The following RORB variants were observed in gnomAD, a reference collection of about 807,000 sequenced individuals.
RORB encodes RAR related orphan receptor B.
RORB carries 6 observed loss-of-function variants against 59.1 expected under a neutral mutation model. The ratio of observed to expected loss-of-function variants is 0.10; its 90% CI spans 0.06 to 0.20. The LOEUF (loss-of-function observed/expected upper bound fraction) is 0.20, where lower values mean the gene tolerates loss of function less well. Ranked by LOEUF, RORB falls within the 10% of genes least tolerant of loss-of-function variation. The pLI is 1.00. For synonymous variants in RORB, 215 were observed against 204.5 expected (o/e 1.05, Z -0.44); for missense variants, 320 against 560.5 (o/e 0.57, Z 4.33).
chr9:74,568,176 C>A (rs1005179898), intron 1 of RORB, among the ~76,000 whole-genome samples: 1 of 152,052 alleles, frequency 6.6e-6, no homozygotes, highest in African/African-American at 2.4e-5. Context: ...AAATAAAATT[C>A]CGTACTGGAC....
intron 1 of RORB, among the ~76,000 whole-genome samples, chr9:74,610,140 A>G (rs1296627338): frequency 3.9e-5 from 6 of 152,226 alleles, no homozygotes; most frequent in Non-Finnish European, 7.3e-5. Context: ...TCTCATGACA[A>G]TATTGATTAT....
chr9:74,497,882 C>A lies in RORB; in HGVS notation c.-95C>A. 6.7e-7 allele frequency: 1 copy of A among 1,488,120 alleles called. No individual in the cohort carries two copies. Among genetic ancestry groups the A allele is most frequent in the Middle Eastern group, 1.7e-4 (1 of 5,850 alleles). The allele number at this position is 1,488,120 out of a possible 1,614,324, so 92.2% of individuals were successfully genotyped here. ...CGGCAGAGCAGCTCTTCGCCGACCA[C>A]CTTCTTCACTCGTGCTGAGCGGGAT... On this transcript the variant is annotated 5_prime_UTR_variant, in exon 1 of 10. Transcript: ENST00000376896.
intron 9 of RORB, among the ~76,000 whole-genome samples, chr9:74,674,651 A>G (rs913371578): frequency 2.0e-5 from 3 of 152,184 alleles, no homozygotes; most frequent in Non-Finnish European, 2.9e-5. Context: ...TTAACCTTAG[A>G]AGGTTTGAAA....
At position 74,642,485 on chromosome 9, in the gene RORB, C is replaced by G; in HGVS notation, c.307C>G (p.Arg103Gly). Residue 103 changes from arginine to glycine, a missense_variant, in exon 4 of 10, where the codon CGG becomes GGG. Transcript: ENST00000376896. ...TGCTGAGGTGCAGAAGCACCAGCAG[C>G]GGCTGCAGGAACAGCGGCAGCAGCA... ...LYAEVQKHQQ[R>G]LQEQRQQQSG... The G allele has an allele frequency of 6.2e-7, 1 of 1,614,150 alleles. No homozygotes were observed.
intron 1 of RORB, chr9:74,615,724 C>A: frequency 2.9e-6 from 1 of 345,252 alleles, no homozygotes; most frequent in Non-Finnish European, 5.9e-6. Context: ...TATAAGCTCT[C>A]AGCAAAATAA....
chr9:74,642,732 A>T lies in RORB; in HGVS notation c.554A>T (p.Asp185Val), dbSNP rs1823832484. The change falls in exon 4 of 10, where the codon GAC becomes GTC. Residue 185 changes from aspartate to valine, a missense_variant. Asp to Val is a radical substitution (Grantham distance 152, BLOSUM62 -3). Around this residue, in one of 4 missense-constraint regions of RORB, gnomAD observed 134 missense variants for 156.2 expected, o/e 0.86. Transcript: ENST00000376896. ...CAGATAAAGCAAGAACCTATCTATG[A>T]CCTCACATCCGTACCCAACTTGTTT... is the stretch of plus-strand genomic sequence containing the variant. ...IKQIKQEPIY[D>V]LTSVPNLFTY... 1.9e-6 allele frequency: 3 copies of T among 1,614,002 alleles called. No individual in the cohort carries two copies. In the Admixed American group the frequency reaches 5.0e-5, roughly 27 times the overall value.
chr9:74,675,746 C>T (rs1041449269), intron 9 of RORB, among the ~76,000 whole-genome samples: 2 of 152,180 alleles, frequency 1.3e-5, no homozygotes, highest in African/African-American at 4.8e-5. Flanking sequence ...GTCAGTCTTC[C>T]AGGAGGAGCT....
chr9:74,556,449 A>T (rs1241356647), intron 1 of RORB, among the ~76,000 whole-genome samples: 1 of 152,192 alleles, frequency 6.6e-6, no homozygotes, highest in Non-Finnish European at 1.5e-5. Context: ...ATTCACAAAG[A>T]GCTGGAGTTA....
At chr9:74,591,300 A>T (rs931132422) in intron 1 of RORB, among the ~76,000 whole-genome samples, 1 of 152,218 alleles carries the variant, frequency 6.6e-6, no homozygotes, top group Non-Finnish European at 1.5e-5. Context: ...AATTGGGACC[A>T]TGATATCCTA....
At chr9:74,556,257 T>G (rs957272777) in intron 1 of RORB, among the ~76,000 whole-genome samples, 1 of 152,306 alleles carries the variant, frequency 6.6e-6, no homozygotes, top group Non-Finnish European at 1.5e-5. Flanking sequence ...TATATTATAC[T>G]TATTACTGAG....
chr9:74,517,067 A>G (rs904497448), intron 1 of RORB, among the ~76,000 whole-genome samples: 11 of 151,924 alleles, frequency 7.2e-5, no homozygotes, highest in African/African-American at 2.7e-4. Context: ...AGATTCTTCC[A>G]AGAATCTAAA....
chr9:74,622,664 CT>C (rs1254672514), intron 1 of RORB, among the ~76,000 whole-genome samples: 1 of 151,306 alleles, frequency 6.6e-6, no homozygotes, highest in Non-Finnish European at 1.5e-5. Context: ...GTAGCTGGGA[CT>C]ACAGGTGCGC....
chr9:74,508,148 A>C (rs978077935), intron 1 of RORB, among the ~76,000 whole-genome samples: 1 of 151,950 alleles, frequency 6.6e-6, no homozygotes, highest in East Asian at 1.9e-4. Context: ...ATCCTTGCAT[A>C]TATACTTTCA....
chr9:74,575,489 A>G (rs552133800), intron 1 of RORB, among the ~76,000 whole-genome samples: 1 of 152,206 alleles, frequency 6.6e-6, no homozygotes, highest in African/African-American at 2.4e-5. Context: ...AGCGAGAATG[A>G]TTTGTATTCA....
At chr9:74,568,560 T>A (rs989126227) in intron 1 of RORB, among the ~76,000 whole-genome samples, 6 of 151,408 alleles carry the variant, frequency 4.0e-5, no homozygotes, top group African/African-American at 1.5e-4. Flanking sequence ...ATTAGCCAGG[T>A]GTGGTGGTGG....
chr9:74,657,974 C>A (rs992842336), intron 4 of RORB, among the ~76,000 whole-genome samples: 3 of 133,334 alleles, frequency 2.2e-5, no homozygotes, highest in South Asian at 2.4e-4. Context: ...CACTGCCATC[C>A]AGCCGGGGCA....
intron 1 of RORB, among the ~76,000 whole-genome samples, chr9:74,566,984 A>T (rs756728449): frequency 2.0e-5 from 3 of 151,816 alleles, no homozygotes; most frequent in Non-Finnish European, 4.4e-5. Flanking sequence ...GTTTTCCAAA[A>T]GCTGTTGCTT....
chr9:74,675,204 G>T (rs1824416764), intron 9 of RORB, among the ~76,000 whole-genome samples: 1 of 151,606 alleles, frequency 6.6e-6, no homozygotes. Flanking sequence ...AAAGCATAAG[G>T]TATATTCAGG....
At chr9:74,654,707 C>A (rs1824052800) in intron 4 of RORB, among the ~76,000 whole-genome samples, 1 of 152,106 alleles carries the variant, frequency 6.6e-6, no homozygotes, top group African/African-American at 2.4e-5. Flanking sequence ...CACACATTGT[C>A]ATTTCTATCC....
Sources: gnomAD v4.1 joint callset for allele counts (sites outside exome capture counted in the v4.1 genomes callset) on GRCh38, gnomAD v4.1.1 for gene constraint, gnomAD v4.1.1 regional missense constraint, MANE v1.5 for transcripts, NCBI Gene and HGNC (gene_info 2026-07-23, HGNC 2026-07-21) for gene names.